CEP97: variants seen among roughly 807,000 people sequenced by gnomAD.
CEP97 encodes centrosomal protein of 97 kDa.
A neutral mutation model predicts 73.1 loss-of-function variants in CEP97; 43 were observed. The ratio of observed to expected loss-of-function variants is 0.59; its 90% confidence interval spans 0.46 to 0.76. The LOEUF is 0.76. Among genes scored for constraint, CEP97 ranks in the 30% least tolerant of loss-of-function variants. The pLI is 0.00. For missense variants in CEP97, 939 were observed against 1,014.0 expected (o/e 0.93, Z 1.00); for synonymous variants, 337 against 370.0 (o/e 0.91, Z 1.02).
rs931730905 is a variant in CEP97, at chr3:101,770,359, G to A, written c.*4808G>A. Reference sequence around the variant, plus strand: ...CTAATTAAATATCTTTGAATGTTTTGTAATAATTTTAATGTTGACAATAAG... The same window carrying A: ...CTAATTAAATATCTTTGAATGTTTTATAATAATTTTAATGTTGACAATAAG... On this transcript the variant is annotated 3_prime_UTR_variant, in exon 11 of 11. Coordinates refer to ENST00000341893, the MANE Select transcript of CEP97 (RefSeq NM_024548.4). The A allele has an allele frequency of 6.6e-6, 1 of 152,048 alleles. No homozygotes were observed. The highest frequency in any genetic ancestry group is 1.5e-5 in the Non-Finnish European group (1 of 68,002). The allele number at this position is 152,048 out of a possible 1,614,324, so 9.4% of individuals were successfully genotyped here.
intron 4 of CEP97, among the ~76,000 whole-genome samples, chr3:101,730,654 T>C (rs899912868): frequency 3.3e-5 from 5 of 151,892 alleles, no homozygotes; most frequent in Non-Finnish European, 7.4e-5. Flanking sequence ...TTAATTTCAC[T>C]TAGAAAAAAA....
intron 7 of CEP97, 21 bp downstream of exon 7, chr3:101,755,615 C>T (rs776211592): frequency 1.2e-6 from 2 of 1,610,800 alleles, no homozygotes; most frequent in African/African-American, 1.3e-5. Flanking sequence ...TTATTTCTAA[C>T]AACTGATGAA....
At chr3:101,729,707 A>G (rs530850552) in intron 4 of CEP97, among the ~76,000 whole-genome samples, 2 of 152,114 alleles carry the variant, frequency 1.3e-5, no homozygotes, top group Non-Finnish European at 2.9e-5. Context: ...AGCTAGGACC[A>G]TAGGCATGTG....
intron 10 of CEP97, chr3:101,762,958 A>G (rs1939210902): frequency 1.7e-6 from 1 of 571,770 alleles, no homozygotes; most frequent in African/African-American, 2.0e-5. Context: ...AGTATTCATA[A>G]CTGTATAGGA....
At chr3:101,729,803 C>T (rs1204958897) in intron 4 of CEP97, among the ~76,000 whole-genome samples, 1 of 151,282 alleles carries the variant, frequency 6.6e-6, no homozygotes, top group East Asian at 1.9e-4. Flanking sequence ...TAGAGTTCTG[C>T]TCTGTCACCC....
chr3:101,761,979 C>T (rs1939188730), intron 9 of CEP97, among the ~76,000 whole-genome samples: 1 of 152,044 alleles, frequency 6.6e-6, no homozygotes, highest in Non-Finnish European at 1.5e-5. Context: ...AGGTCGGAGA[C>T]CTGGGGAAAC....
rs1045963589 is a variant in CEP97 at position 101,768,939 on chromosome 3, G to A, written c.*3388G>A. On this transcript the variant is annotated 3_prime_UTR_variant, in exon 11 of 11. Coordinates refer to ENST00000341893, the MANE Select transcript of CEP97 (RefSeq NM_024548.4). ...AAGGCTTCACAATATGCATGTTTTA[G>A]GAAAATGTTCATTTATTTAGTCATA... is the stretch of plus-strand genomic sequence containing the variant. 1 of 152,074 alleles carries A rather than the reference G, an allele frequency of 6.6e-6. No individual in the cohort carries two copies. The highest frequency in any genetic ancestry group is 1.5e-5 in the Non-Finnish European group (1 of 68,012). The allele number at this position is 152,074 out of a possible 1,614,324, so 9.4% of individuals were successfully genotyped here. A position where few individuals can be genotyped will look rare whatever the true frequency, so the allele number is the denominator to read the frequency against.
At chr3:101,748,888 C>A (rs1344187445) in intron 6 of CEP97, among the ~76,000 whole-genome samples, 1 of 152,160 alleles carries the variant, frequency 6.6e-6, no homozygotes, top group Non-Finnish European at 1.5e-5. Context: ...GATCCGCCCA[C>A]CTCGGCCTCC....
At chr3:101,755,342 T>G in intron 6 of CEP97, 88 bp from the exon 7 acceptor site, 1 of 1,133,790 alleles carries the variant, frequency 8.8e-7, no homozygotes, top group Non-Finnish European at 1.3e-6. Context: ...GCTATAAAGG[T>G]AAGTTAACAA....
In CEP97 at chr3:101,762,580, T is replaced by C; in HGVS notation, c.1893+20T>C. 6.4e-7 allele frequency: 1 copy of C among 1,565,770 alleles called. No homozygotes were observed. Among genetic ancestry groups the C allele is most frequent in the Non-Finnish European group, 8.8e-7 (1 of 1,140,992 alleles). On this transcript the variant is annotated intron_variant, in intron 10 of 10. Transcript: ENST00000341893. The stretch of plus-strand genomic sequence containing the variant: ...AACCAGGTAAACTCCCTCCTGCTGA[T>C]TTACCTCATATATGATCAAATACAG...
chr3:101,726,795 A>G (rs1937907179), intron 2 of CEP97, 59 bp downstream of exon 2: 2 of 1,294,612 alleles, frequency 1.5e-6, no homozygotes, highest in Non-Finnish European at 1.1e-6. Flanking sequence ...AAACAAAACA[A>G]TAAAATAACC....
intron 4 of CEP97, among the ~76,000 whole-genome samples, chr3:101,731,401 A>C (rs764014977): frequency 2.6e-5 from 4 of 151,724 alleles, no homozygotes; most frequent in Non-Finnish European, 4.4e-5. Flanking sequence ...AGGTCTCACT[A>C]TGTTGCCCAG....
At chr3:101,739,744 A>T (rs2107148728) in intron 6 of CEP97, among the ~76,000 whole-genome samples, 1 of 152,194 alleles carries the variant, frequency 6.6e-6, no homozygotes, top group South Asian at 2.1e-4. Flanking sequence ...CGTCTCTACT[A>T]AAAATATAAA....
intron 6 of CEP97, among the ~76,000 whole-genome samples, chr3:101,735,195 T>TA (rs918440611): frequency 6.6e-5 from 10 of 152,324 alleles, no homozygotes; most frequent in African/African-American, 9.6e-5. Context: ...TAAATAATGA[T>TA]AAAAAAGTCT....
chr3:101,728,967 G>A (rs765522580), intron 4 of CEP97, 30 bp downstream of exon 4: 6 of 1,227,674 alleles, frequency 4.9e-6, no homozygotes, highest in South Asian at 1.2e-5. Flanking sequence ...CATTTGTGAA[G>A]TTTTATAGCA....
intron 7 of CEP97, 35 bp downstream of exon 7, chr3:101,755,629 A>G (rs1938984104): frequency 6.2e-7 from 1 of 1,602,110 alleles, no homozygotes; most frequent in African/African-American, 1.3e-5. Context: ...TGATGAATTC[A>G]CAAGTTAAAA....
Position 101,767,516 on chromosome 3 carries a change from G to T in CEP97, c.*1965G>T, listed in dbSNP as rs986276390. ...TATACATTAGTTTTTCATAAAAGCT[G>T]CTGGAATGTCATGATTCAGTATTAC... On this transcript the variant is annotated 3_prime_UTR_variant, in exon 11 of 11. Transcript: ENST00000341893. The T allele has an allele frequency of 6.6e-6, 1 of 152,106 alleles. No individual in the cohort carries two copies. The highest frequency in any genetic ancestry group is 1.5e-5 in the Non-Finnish European group (1 of 68,020). 9.4% of individuals were successfully genotyped at this position (152,106 alleles called of 1,614,324 possible). A position where few individuals can be genotyped will look rare whatever the true frequency, so the allele number is the denominator to read the frequency against.
chr3:101,750,984 A>T (rs1397586588), intron 6 of CEP97, among the ~76,000 whole-genome samples: 1 of 151,854 alleles, frequency 6.6e-6, no homozygotes, highest in Non-Finnish European at 1.5e-5. Flanking sequence ...TTGCTTTTCT[A>T]GTTCTTTTAA....
At chr3:101,743,296 C>G (rs1161345114) in intron 6 of CEP97, among the ~76,000 whole-genome samples, 1 of 151,752 alleles carries the variant, frequency 6.6e-6, no homozygotes, top group African/African-American at 2.4e-5. Context: ...TCGTAACTCC[C>G]CTCCTCACTA....
Sources: gnomAD v4.1 joint callset for allele counts (sites outside exome capture counted in the v4.1 genomes callset) on GRCh38, gnomAD v4.1.1 for gene constraint, MANE v1.5 for transcripts, NCBI Gene and HGNC (gene_info 2026-07-23, HGNC 2026-07-21) for gene names.